The following DNAH9 variants were observed in gnomAD, a reference collection of about 807,000 sequenced individuals.
DNAH9 encodes dynein axonemal heavy chain 9.
Under a neutral mutation model 471.6 loss-of-function variants are expected in DNAH9, and 345 were observed. That is an observed-to-expected ratio of 0.73 (90% CI 0.67 to 0.80). The LOEUF is 0.80. Among genes scored for constraint, DNAH9 ranks in the 30% least tolerant of loss-of-function variants. DNAH9 has a pLI of 0.00. For missense variants in DNAH9, 5,407 were observed against 5,609.2 expected, an observed-to-expected ratio of 0.96 and a Z score of 1.15; for synonymous variants, 2,093 against 2,123.6, an observed-to-expected ratio of 0.99 and a Z score of 0.40.
chr17:11,932,968 G>A lies in DNAH9; in HGVS notation c.12297+763G>A, dbSNP rs1297031890. The stretch of plus-strand genomic sequence containing the variant: ...AGGAGCCAAACACAGAGTCAACAGG[G>A]CCACCACCTCTTCCTCGTGGGGAAA... On this transcript the variant is annotated intron_variant, in intron 64 of 68. Transcript: ENST00000262442. The surrounding 1 kb of genome is among the most constrained non-coding windows in gnomAD (Gnocchi z 4.3). 6.6e-6 allele frequency among the ~76,000 whole-genome samples: 1 copy of A among 152,176 alleles called. No homozygotes were observed. The highest frequency in any genetic ancestry group is 2.4e-5 in the African/African-American group (1 of 41,442).
intron 4 of DNAH9, among the ~76,000 whole-genome samples, chr17:11,614,427 A>C (rs1386347296): frequency 2.0e-5 from 3 of 152,320 alleles, no homozygotes; most frequent in African/African-American, 7.2e-5. Context: ...GTATTGACTG[A>C]GCAGTAAATA....
At chr17:11,844,973 T>G (rs1971164374) in intron 49 of DNAH9, among the ~76,000 whole-genome samples, 1 of 152,078 alleles carries the variant, frequency 6.6e-6, no homozygotes, top group Non-Finnish European at 1.5e-5. Context: ...TCTGTTCATG[T>G]CCTTTGTCCA....
At chr17:11,616,720 A>G (rs1451135542) in intron 4 of DNAH9, among the ~76,000 whole-genome samples, 1 of 152,202 alleles carries the variant, frequency 6.6e-6, no homozygotes, top group East Asian at 1.9e-4. Context: ...TCTAGGGTAC[A>G]TGTGCACAAC....
rs538389886 is a variant in DNAH9, at chr17:11,692,757, A to G, written c.4615-1111A>G. Among the ~76,000 whole-genome samples the G allele has an allele frequency of 2.0e-5, 3 of 152,266 alleles. No individual in the cohort carries two copies. The South Asian group carries it at 6.2e-4, about 32-fold the overall frequency. On this transcript the variant is annotated intron_variant, in intron 20 of 68. Transcript: ENST00000262442. ...CAGATGACATGTGATATCATAATAA[A>G]TTGATACAGAAGCAGTTTTCTGTTA...
chr17:11,654,374 A>AAAAAAAAAAAAAAAAAAAG (rs1353333314), intron 14 of DNAH9, among the ~76,000 whole-genome samples: 5 of 57,794 alleles, frequency 8.7e-5, no homozygotes, highest in Middle Eastern at 0.011. Flanking sequence ...AAAAAAAAAA[A>AAAAAAAAAAAAAAAAAAAG]AAAAGTTTAA....
intron 67 of DNAH9, among the ~76,000 whole-genome samples, chr17:11,950,462 C>G (rs939593002): frequency 2.6e-5 from 4 of 152,264 alleles, no homozygotes; most frequent in Admixed American, 2.0e-4. Flanking sequence ...GTGATCATGG[C>G]TCAAGAGATC....
intron 10 of DNAH9, 57 bp from the exon 11 acceptor site, chr17:11,644,574 G>C: frequency 7.6e-7 from 1 of 1,318,634 alleles, no homozygotes; most frequent in Non-Finnish European, 1.1e-6. Context: ...TTGTTCCTCG[G>C]ATTATTACTT....
At chr17:11,637,293 G>A (rs1280750596) in intron 9 of DNAH9, among the ~76,000 whole-genome samples, 5 of 152,130 alleles carry the variant, frequency 3.3e-5, no homozygotes, top group Non-Finnish European at 4.4e-5. Flanking sequence ...TCAGTTTTAC[G>A]TACATTTATT....
intron 15 of DNAH9, among the ~76,000 whole-genome samples, chr17:11,667,292 A>G (rs1419321714): frequency 7.5e-6 from 1 of 133,328 alleles, no homozygotes; most frequent in Non-Finnish European, 1.7e-5. Context: ...ACTATTTTAT[A>G]AACATAGTAG....
intron 27 of DNAH9, among the ~76,000 whole-genome samples, chr17:11,721,390 A>T (rs1355915801): frequency 1.3e-5 from 2 of 152,150 alleles, no homozygotes; most frequent in Admixed American, 6.5e-5. Context: ...AGCCACAGTG[A>T]AACATGCCAG....
chr17:11,875,134 C>T lies in DNAH9; in HGVS notation c.10428C>T (p.Ile3476=). 1 of 1,614,126 alleles carries T rather than the reference C, an allele frequency of 6.2e-7. No individual in the cohort carries two copies. Among genetic ancestry groups the T allele is most frequent in the Non-Finnish European group, 8.5e-7 (1 of 1,180,048 alleles). The change falls in exon 53 of 69, where the codon ATC becomes ATT. Residue 3476 remains isoleucine, a synonymous_variant. Coordinates refer to ENST00000262442, the MANE Select transcript of DNAH9 (RefSeq NM_001372.4). ...CTCAGCTACAAGGCATCAAATGGAT[C>T]AAGAATAAATATGGTGAAGATCTCC... ...VDPQLQGIKW[I]KNKYGEDLRV... is the part of the protein sequence containing the mutation.
chr17:11,946,727 G>A (rs577837313), intron 67 of DNAH9, among the ~76,000 whole-genome samples: 12 of 149,446 alleles, frequency 8.0e-5, no homozygotes, highest in East Asian at 2.0e-4. Context: ...AATATATAAC[G>A]GTATTTTAAA....
intron 27 of DNAH9, among the ~76,000 whole-genome samples, chr17:11,724,978 G>A (rs2075127502): frequency 6.6e-6 from 1 of 152,152 alleles, no homozygotes; most frequent in Admixed American, 6.5e-5. Context: ...TCAGGCATTA[G>A]ATTCTCATAA....
chr17:11,733,540 G>C (rs2075300065), intron 28 of DNAH9, among the ~76,000 whole-genome samples: 1 of 152,164 alleles, frequency 6.6e-6, no homozygotes, highest in African/African-American at 2.4e-5. Context: ...GGACGTCAGG[G>C]CTGGCTTGCA....
chr17:11,900,941 TAC>T (rs1973390025), intron 59 of DNAH9, among the ~76,000 whole-genome samples: 1 of 152,146 alleles, frequency 6.6e-6, no homozygotes, highest in Non-Finnish European at 1.5e-5. Context: ...ACAGACCTCC[TAC>T]ACACACACCC....
At chr17:11,762,779 T>TTTG (rs1597610049) in intron 35 of DNAH9, among the ~76,000 whole-genome samples, 2 of 93,130 alleles carry the variant, frequency 2.1e-5, no homozygotes, top group South Asian at 3.5e-4. Flanking sequence ...TGTTTTTTTT[T>TTTG]TTTTTTTTTT....
At chr17:11,690,951 C>T (rs1459551628) in intron 20 of DNAH9, among the ~76,000 whole-genome samples, 1 of 152,148 alleles carries the variant, frequency 6.6e-6, no homozygotes, top group African/African-American at 2.4e-5. Context: ...TCATTATTAC[C>T]TTCCCTGTGT....
chr17:11,827,527 A>T (rs1485221251), intron 48 of DNAH9, among the ~76,000 whole-genome samples: 1 of 152,128 alleles, frequency 6.6e-6, no homozygotes, highest in Non-Finnish European at 1.5e-5. Flanking sequence ...TGCCGAGGGG[A>T]TGGTACTAAG....
intron 14 of DNAH9, among the ~76,000 whole-genome samples, chr17:11,654,378 AGT>A (rs2073589681): frequency 5.7e-5 from 8 of 139,392 alleles, no homozygotes; most frequent in South Asian, 2.4e-4. Context: ...AAAAAAAAAA[AGT>A]TTAAAATCGA....
Sources: gnomAD v4.1 joint callset for allele counts (sites outside exome capture counted in the v4.1 genomes callset) on GRCh38, gnomAD v4.1.1 for gene constraint, Gnocchi (gnomAD v3.1) non-coding constraint, MANE v1.5 for transcripts, NCBI Gene and HGNC (gene_info 2026-07-23, HGNC 2026-07-21) for gene names.